Variants in ULK4 observed in about 807,000 individuals in gnomAD.
ULK4 encodes the protein inactive serine/threonine-protein kinase ULK4.
A neutral mutation model predicts 160.6 loss-of-function variants in ULK4; 133 were observed. That is an observed-to-expected ratio of 0.83 (90% confidence interval 0.72 to 0.96). The LOEUF is 0.96. Among genes scored for constraint, ULK4 ranks in the 40% least tolerant of loss-of-function variants. ULK4 has a pLI of 0.00. For synonymous variants in ULK4, 534 were observed against 539.8 expected (o/e 0.99, Z 0.15); for missense variants, 1,580 against 1,499.5 (o/e 1.05, Z -0.89).
At chr3:41,640,462 T>C (rs1455090317) in intron 30 of ULK4, among the ~76,000 whole-genome samples, 2 of 152,150 alleles carry the variant, frequency 1.3e-5, no homozygotes, top group Non-Finnish European at 2.9e-5. Flanking sequence ...TGTAGAATGG[T>C]CTCTCGTTTT....
intron 32 of ULK4, among the ~76,000 whole-genome samples, chr3:41,506,770 A>ATATATATAAATATATATATATG: frequency 1.0e-5 from 1 of 100,124 alleles, no homozygotes; most frequent in South Asian, 3.7e-4. Flanking sequence ...GATTTAAAAT[A>ATATATATAAATATATATATATG]TATATATATA....
At chr3:41,864,300 G>A (rs1302144334) in intron 17 of ULK4, among the ~76,000 whole-genome samples, 1 of 151,782 alleles carries the variant, frequency 6.6e-6, no homozygotes, top group Non-Finnish European at 1.5e-5. Context: ...TCCACACCAG[G>A]CTGCTGCTAG....
At chr3:41,339,585 C>G (rs2125748940) in intron 35 of ULK4, among the ~76,000 whole-genome samples, 1 of 152,298 alleles carries the variant, frequency 6.6e-6, no homozygotes, top group Non-Finnish European at 1.5e-5. Flanking sequence ...ATCCTCATCT[C>G]AAAGTCTGCT....
intron 34 of ULK4, among the ~76,000 whole-genome samples, chr3:41,438,909 C>T (rs561343421): frequency 6.6e-6 from 1 of 151,800 alleles, no homozygotes; most frequent in South Asian, 2.1e-4. Flanking sequence ...ATGTAAAGCT[C>T]CCTAATTCAT....
intron 32 of ULK4, among the ~76,000 whole-genome samples, chr3:41,553,354 T>C (rs1189405411): frequency 6.6e-6 from 1 of 152,048 alleles, no homozygotes; most frequent in Admixed American, 6.6e-5. Flanking sequence ...AAGCTATTCA[T>C]CTGACAAGGA....
chr3:41,407,099 A>C (rs75610413), intron 34 of ULK4, among the ~76,000 whole-genome samples: 218 of 152,322 alleles, frequency 1.4e-3, no homozygotes, highest in Non-Finnish European at 2.5e-3. Context: ...GATAAGACAA[A>C]GTAACAGAGA....
intron 25 of ULK4, among the ~76,000 whole-genome samples, chr3:41,714,030 G>T (rs2037183487): frequency 6.6e-6 from 1 of 152,106 alleles, no homozygotes; most frequent in African/African-American, 2.4e-5. Context: ...CTAATTTCAG[G>T]CATCAATATG....
intron 21 of ULK4, among the ~76,000 whole-genome samples, chr3:41,787,478 G>A (rs2040030420): frequency 6.6e-6 from 1 of 152,130 alleles, no homozygotes; most frequent in African/African-American, 2.4e-5. Flanking sequence ...CTGGGGATCT[G>A]TGCTTCCATC....
At chr3:41,760,667 T>C (rs2038956202) in intron 21 of ULK4, among the ~76,000 whole-genome samples, 1 of 152,178 alleles carries the variant, frequency 6.6e-6, no homozygotes. Flanking sequence ...CTTGGCCTTA[T>C]TTTATACAAG....
At position 41,564,708 on chromosome 3, in the gene ULK4, C is replaced by G. The variant is rs545162767; in HGVS notation, c.3226+1317G>C. Among the ~76,000 whole-genome samples, 74 of 152,160 alleles carry G rather than the reference C, an allele frequency of 4.9e-4. 1 individual carries two copies. The highest frequency in any genetic ancestry group is 1.8e-3 in the African/African-American group (73 of 41,514). On this transcript the variant is annotated intron_variant, in intron 32 of 36. Coordinates refer to ENST00000301831, the MANE Select transcript of ULK4 (RefSeq NM_017886.4). ...TCCTGACCTCAAGTGATCCACAAGC[C>G]TCGGCCTCCCAAAGTGCTGGGATTA...
intron 18 of ULK4, among the ~76,000 whole-genome samples, chr3:41,834,772 AGT>A: frequency 6.6e-6 from 1 of 152,350 alleles, no homozygotes; most frequent in Non-Finnish European, 1.5e-5. Flanking sequence ...AGTCATGTAC[AGT>A]GGCTCACACC....
chr3:41,515,725 G>C (rs540124928), intron 32 of ULK4, among the ~76,000 whole-genome samples: 12 of 152,276 alleles, frequency 7.9e-5, no homozygotes, highest in Admixed American at 3.9e-4. Flanking sequence ...CAGAAGGAGG[G>C]AAAGTGCCCC....
chr3:41,849,986 G>C (rs1217913033), intron 17 of ULK4, among the ~76,000 whole-genome samples: 4 of 151,978 alleles, frequency 2.6e-5, no homozygotes, highest in Non-Finnish European at 4.4e-5. Context: ...AACAGGCCCT[G>C]GTGTGTGATG....
At chr3:41,888,103 G>T (rs1487499264) in intron 16 of ULK4, among the ~76,000 whole-genome samples, 1 of 151,720 alleles carries the variant, frequency 6.6e-6, no homozygotes, top group Non-Finnish European at 1.5e-5. Context: ...TTTTTTTAGA[G>T]TGAGTCTCTA....
chr3:41,670,752 T>G (rs1018159507), intron 29 of ULK4, among the ~76,000 whole-genome samples: 3 of 152,098 alleles, frequency 2.0e-5, no homozygotes, highest in Non-Finnish European at 4.4e-5. Flanking sequence ...ACAGCAAATT[T>G]TCATTATGAA....
At chr3:41,934,701 T>C (rs932435448) in intron 4 of ULK4, among the ~76,000 whole-genome samples, 2 of 152,198 alleles carry the variant, frequency 1.3e-5, no homozygotes, top group African/African-American at 2.4e-5. Flanking sequence ...GTAGGTTTCA[T>C]GACTCTACTA....
rs752775804 is a variant in ULK4 at position 41,919,717 on chromosome 3, C to G, written c.643G>C (p.Gly215Arg). 3.7e-6 allele frequency: 6 copies of G among 1,613,460 alleles called. No homozygotes were observed. In the South Asian group the frequency reaches 6.6e-5, roughly 18 times the overall value. Residue 215 changes from glycine (G) to arginine (R), a missense_variant and splice_region_variant, in exon 6 of 37, where the codon GGA becomes CGA. Coordinates refer to ENST00000301831, the MANE Select transcript of ULK4 (RefSeq NM_017886.4). ...LGCLLYEMFS[G>R]KPPFFSESIS... ...TTATACCTATTCAGGAAACAATTAC[C>G]TGAAAACATTTCATAAAGCAGACAG... is the stretch of plus-strand genomic sequence containing the variant.
intron 32 of ULK4, among the ~76,000 whole-genome samples, chr3:41,526,805 G>C (rs907514499): frequency 6.6e-6 from 1 of 152,130 alleles, no homozygotes; most frequent in Non-Finnish European, 1.5e-5. Flanking sequence ...GAGTGTTGTA[G>C]GGTTTTTTAA....
chr3:41,784,362 A>G (rs886685978), intron 21 of ULK4, among the ~76,000 whole-genome samples: 3 of 152,040 alleles, frequency 2.0e-5, no homozygotes, highest in African/African-American at 7.3e-5. Flanking sequence ...TGAACCCAGG[A>G]GGCGGAGGTT....
Sources: allele counts gnomAD v4.1 joint callset (sites outside exome capture counted in the v4.1 genomes callset), GRCh38; gene constraint gnomAD v4.1.1; transcripts MANE v1.5; gene names NCBI Gene and HGNC (gene_info 2026-07-23, HGNC 2026-07-21).